The following CACNA1B variants were observed in gnomAD, a reference collection of about 807,000 sequenced individuals.
The protein encoded by CACNA1B is calcium voltage-gated channel subunit alpha1 B.
A neutral mutation model predicts 247.2 loss-of-function variants in CACNA1B; 70 were observed. That is an observed-to-expected ratio of 0.28 (90% CI 0.23 to 0.35). The LOEUF is 0.35. Ranked by LOEUF, CACNA1B falls within the 10% of genes least tolerant of loss-of-function variation. CACNA1B has a pLI of 1.00. For synonymous variants in CACNA1B, 1,231 were observed against 1,294.4 expected (o/e 0.95, Z 1.05); for missense variants, 2,367 against 3,197.4 (o/e 0.74, Z 6.26).
At chr9:138,013,645 G>C (rs942353908) in intron 18 of CACNA1B, among the ~76,000 whole-genome samples, 2 of 152,262 alleles carry the variant, frequency 1.3e-5, no homozygotes, top group African/African-American at 4.8e-5. Flanking sequence ...CAGTCTGAGA[G>C]ACTTACTGCA....
intron 6 of CACNA1B, among the ~76,000 whole-genome samples, chr9:137,943,978 T>C (rs1438090235): frequency 6.6e-6 from 1 of 152,210 alleles, no homozygotes; most frequent in Non-Finnish European, 1.5e-5. Context: ...TGGTCATGTC[T>C]CTCTGGCCTT....
chr9:137,984,889 G>A (rs992753674), intron 13 of CACNA1B, among the ~76,000 whole-genome samples: 1 of 152,256 alleles, frequency 6.6e-6, no homozygotes, highest in Non-Finnish European at 1.5e-5. Context: ...GTGAGAGAAG[G>A]ACCAGGGTGA....
At position 138,022,805 on chromosome 9, in the gene CACNA1B, T is replaced by G. The variant is rs1295455758; in HGVS notation, c.2268-206T>G. 7.4e-3 allele frequency among the ~76,000 whole-genome samples: 976 copies of G among 131,468 alleles called. No homozygotes were observed. The highest frequency in any genetic ancestry group is 0.013 in the Non-Finnish European group (743 of 56,774). 86.2% of individuals were successfully genotyped at this position (131,468 alleles called of 152,430 possible). A position where few individuals can be genotyped will look rare whatever the true frequency, so the allele number is the denominator to read the frequency against. On this transcript the variant is annotated intron_variant, in intron 18 of 46. Coordinates refer to ENST00000371372, the MANE Select transcript of CACNA1B (RefSeq NM_000718.4). ...ACCTTGCGGGTCCTGTGGGACACCG[T>G]GGGGGGGGGGGGCGGCGGGGCTGAA...
At chr9:138,076,805 C>A (rs1323275890) in intron 35 of CACNA1B, among the ~76,000 whole-genome samples, 1 of 152,232 alleles carries the variant, frequency 6.6e-6, no homozygotes, top group Non-Finnish European at 1.5e-5. Context: ...GGCTGCTGTA[C>A]AGCCCACCCT....
Position 137,986,591 on chromosome 9 carries a change from A to C in CACNA1B, c.1901+47A>C. The C allele has an allele frequency of 6.2e-7, 1 of 1,609,954 alleles. No homozygotes were observed. The highest frequency in any genetic ancestry group is 8.5e-7 in the Non-Finnish European group (1 of 1,177,262). ...AGCTCAAGGCTGGGGGCTTGCAGGG[A>C]AGCAGAGCTCAGAGCAGACGGTGCC... is the stretch of plus-strand genomic sequence containing the variant. On this transcript the variant is annotated intron_variant, in intron 14 of 46. Coordinates refer to ENST00000371372, the MANE Select transcript of CACNA1B (RefSeq NM_000718.4). This position sits in a 1 kb window ranked among gnomAD's most constrained non-coding sequence, Gnocchi z 6.0.
intron 32 of CACNA1B, among the ~76,000 whole-genome samples, chr9:138,071,086 G>A (rs552260548): frequency 6.6e-6 from 1 of 152,358 alleles, no homozygotes; most frequent in African/African-American, 2.4e-5. Context: ...TCATGGCACG[G>A]TGTCCTGCAG....
chr9:137,933,792 T>G (rs1234670412), intron 6 of CACNA1B, among the ~76,000 whole-genome samples: 1 of 152,180 alleles, frequency 6.6e-6, no homozygotes. Flanking sequence ...CAGAATCCAC[T>G]AATTGCTGGA....
chr9:138,029,525 T>A (rs1958962254), intron 20 of CACNA1B, among the ~76,000 whole-genome samples: 1 of 152,132 alleles, frequency 6.6e-6, no homozygotes, highest in African/African-American at 2.4e-5. Context: ...TAAGAGTGGC[T>A]TAAAGTTTTA....
At position 137,899,274 on chromosome 9, in the gene CACNA1B, G is replaced by A. The variant is rs1182690096; in HGVS notation, c.531-13906G>A. ...GCTAATTTTTGTATTTTTTTTTTTA[G>A]TAGAGGTGGGGTTTCACCATGTTGG... On this transcript the variant is annotated intron_variant, in intron 3 of 46. Coordinates refer to ENST00000371372, the MANE Select transcript of CACNA1B (RefSeq NM_000718.4). The surrounding 1 kb of genome is among the most constrained non-coding windows in gnomAD (Gnocchi z 5.0). 1.3e-5 allele frequency among the ~76,000 whole-genome samples: 2 copies of A among 151,380 alleles called. No individual in the cohort carries two copies. Among genetic ancestry groups the A allele is most frequent in the African/African-American group, 4.9e-5 (2 of 41,120 alleles).
At chr9:138,092,333 A>G (rs1391713027) in intron 36 of CACNA1B, among the ~76,000 whole-genome samples, 1 of 152,214 alleles carries the variant, frequency 6.6e-6, no homozygotes, top group African/African-American at 2.4e-5. Context: ...AGCAGTCTGT[A>G]GGCCTACCCC....
chr9:138,118,796 T>G, intron 44 of CACNA1B, 28 bp downstream of exon 44: 4 of 1,036,628 alleles, frequency 3.9e-6, no homozygotes, highest in East Asian at 2.8e-5. Context: ...GTCCAGGCCC[T>G]GGGCTGGGCA....
rs1323804474 is a variant in CACNA1B, at chr9:137,881,780, G to T, written c.391-964G>T. Among the ~76,000 whole-genome samples the T allele has an allele frequency of 6.6e-6, 1 of 152,230 alleles. No homozygotes were observed. The highest frequency in any genetic ancestry group is 1.5e-5 in the Non-Finnish European group (1 of 68,036). ...TGTTTGCTGCTTCCAGCTCGGCACTGGTAGGGCCTGGCTCTGCTCTCTCAT... is the reference window on the plus strand; with the variant it reads ...TGTTTGCTGCTTCCAGCTCGGCACTTGTAGGGCCTGGCTCTGCTCTCTCAT... On this transcript the variant is annotated intron_variant, in intron 2 of 46. Coordinates refer to ENST00000371372, the MANE Select transcript of CACNA1B (RefSeq NM_000718.4). The surrounding 1 kb of genome is among the most constrained non-coding windows in gnomAD (Gnocchi z 4.3).
At chr9:138,097,789 C>T (rs1426850986) in intron 37 of CACNA1B, among the ~76,000 whole-genome samples, 3 of 152,250 alleles carry the variant, frequency 2.0e-5, no homozygotes, top group Admixed American at 6.5e-5. Context: ...TGAGGTCCTA[C>T]TGCCCACAGA....
chr9:137,940,434 T>A (rs1397900253), intron 6 of CACNA1B, among the ~76,000 whole-genome samples: 1 of 152,052 alleles, frequency 6.6e-6, no homozygotes, highest in East Asian at 1.9e-4. Context: ...ATAAAAAAAT[T>A]ACCAACCAAA....
At chr9:137,999,945 A>G (rs1958545572) in intron 15 of CACNA1B, among the ~76,000 whole-genome samples, 1 of 152,242 alleles carries the variant, frequency 6.6e-6, no homozygotes, top group South Asian at 2.1e-4. Flanking sequence ...CATGAAGTAG[A>G]TAATTGTACA....
At chr9:138,106,966 G>C (rs1961449782) in intron 39 of CACNA1B, among the ~76,000 whole-genome samples, 1 of 152,138 alleles carries the variant, frequency 6.6e-6, no homozygotes, top group Non-Finnish European at 1.5e-5. Flanking sequence ...CTCATGGGCT[G>C]TCCATGGCCG....
chr9:137,944,245 G>A (rs1262777338), intron 6 of CACNA1B, among the ~76,000 whole-genome samples: 1 of 152,124 alleles, frequency 6.6e-6, no homozygotes, highest in Non-Finnish European at 1.5e-5. Flanking sequence ...GTAGCTTTTG[G>A]AGCTTATATC....
chr9:137,892,699 G>T, intron 3 of CACNA1B: 1 of 314,944 alleles, frequency 3.2e-6, no homozygotes, highest in Non-Finnish European at 6.2e-6. Flanking sequence ...GGGCTCCTGA[G>T]CACCACCTCC....
intron 36 of CACNA1B, among the ~76,000 whole-genome samples, chr9:138,093,372 C>G (rs1165498077): frequency 8.4e-6 from 1 of 118,976 alleles, no homozygotes; most frequent in Non-Finnish European, 1.6e-5. Flanking sequence ...GAGCCGAGAT[C>G]ATGCCTGGGC....
Sources: gnomAD v4.1 joint callset for allele counts (sites outside exome capture counted in the v4.1 genomes callset) on GRCh38, gnomAD v4.1.1 for gene constraint, Gnocchi (gnomAD v3.1) non-coding constraint, MANE v1.5 for transcripts, NCBI Gene and HGNC (gene_info 2026-07-23, HGNC 2026-07-21) for gene names.